Variants in ANKFN1 observed in about 807,000 individuals in gnomAD.
ANKFN1 encodes ankyrin repeat and fibronectin type-III domain-containing protein 1.
In ANKFN1, 74 loss-of-function variants were observed where a neutral mutation model predicts 108.7. That is an observed-to-expected ratio of 0.68 (90% CI 0.56 to 0.83). ANKFN1 has a LOEUF of 0.83. ANKFN1 is among the 40% of genes least tolerant of loss of function. The pLI is 0.00. For synonymous variants in ANKFN1, 547 were observed against 516.2 expected (o/e 1.06, Z -0.81); for missense variants, 1,505 against 1,382.3 (o/e 1.09, Z -1.41).
intron 2 of ANKFN1, among the ~76,000 whole-genome samples, chr17:56,215,318 C>T (rs1203333980): frequency 6.6e-6 from 1 of 152,192 alleles, no homozygotes; most frequent in Non-Finnish European, 1.5e-5. Context: ...CTCTGTCTGA[C>T]CTTCACCACA....
intron 3 of ANKFN1, chr17:56,258,373 G>A (rs1384006894): frequency 6.6e-6 from 1 of 152,098 alleles, no homozygotes; most frequent in African/African-American, 2.4e-5. Flanking sequence ...TTGCTATGAT[G>A]CTATTTTTTT....
intron 4 of ANKFN1, among the ~76,000 whole-genome samples, chr17:56,332,756 A>G (rs1437775984): frequency 6.6e-6 from 1 of 152,092 alleles, no homozygotes; most frequent in Non-Finnish European, 1.5e-5. Flanking sequence ...CACATAGTGT[A>G]AGTCTTCCAA....
chr17:56,374,162 G>C (rs1429881020), intron 7 of ANKFN1, among the ~76,000 whole-genome samples: 1 of 152,208 alleles, frequency 6.6e-6, no homozygotes, highest in East Asian at 1.9e-4. Context: ...ACTTGGGGCT[G>C]CGGTTTCCTC....
At chr17:56,344,914 A>G (rs1222230231) in intron 4 of ANKFN1, among the ~76,000 whole-genome samples, 1 of 152,002 alleles carries the variant, frequency 6.6e-6, no homozygotes, top group African/African-American at 2.4e-5. Context: ...TCTGGGATAC[A>G]TGTGCAGAAT....
At chr17:56,355,434 A>AAAAGT (rs1282945643) in intron 6 of ANKFN1, among the ~76,000 whole-genome samples, 1 of 152,154 alleles carries the variant, frequency 6.6e-6, no homozygotes, top group Admixed American at 6.6e-5. Flanking sequence ...GAGGAACAAA[A>AAAAGT]AAAGTCAGTG....
At chr17:56,423,635 C>T (rs1406930034) in intron 8 of ANKFN1, among the ~76,000 whole-genome samples, 1 of 152,110 alleles carries the variant, frequency 6.6e-6, no homozygotes, top group East Asian at 1.9e-4. Context: ...CTCTCAATCT[C>T]TCTCCCTGGA....
intron 4 of ANKFN1, among the ~76,000 whole-genome samples, chr17:56,078,944 GA>G (rs1347935224): frequency 6.6e-6 from 1 of 152,150 alleles, no homozygotes; most frequent in Non-Finnish European, 1.5e-5. Context: ...TTAGAGACAG[GA>G]GGATTTTCAA....
intron 4 of ANKFN1, among the ~76,000 whole-genome samples, chr17:56,127,070 G>T (rs1249317916): frequency 6.6e-6 from 1 of 152,198 alleles, no homozygotes; most frequent in African/African-American, 2.4e-5. Context: ...TTGGCTCATA[G>T]CACAAGAGTG....
chr17:56,330,628 C>A (rs1458484917), intron 4 of ANKFN1, among the ~76,000 whole-genome samples: 1 of 152,150 alleles, frequency 6.6e-6, no homozygotes, highest in Non-Finnish European at 1.5e-5. Context: ...TTGCCTAGTA[C>A]TTTCCCAGTT....
intron 3 of ANKFN1, among the ~76,000 whole-genome samples, chr17:56,236,869 T>A (rs1053507581): frequency 1.4e-4 from 21 of 152,212 alleles, no homozygotes; most frequent in African/African-American, 5.1e-4. Context: ...GGGAAATGCT[T>A]CCAGCTTTTG....
intron 4 of ANKFN1, among the ~76,000 whole-genome samples, chr17:56,334,083 A>T (rs1228369022): frequency 1.3e-5 from 2 of 152,172 alleles, no homozygotes; most frequent in Admixed American, 6.6e-5. Flanking sequence ...CTAACAATTG[A>T]ATAAATGAAT....
At chr17:56,283,132 A>G (rs941255042) in intron 3 of ANKFN1, among the ~76,000 whole-genome samples, 1 of 152,086 alleles carries the variant, frequency 6.6e-6, no homozygotes, top group Non-Finnish European at 1.5e-5. Flanking sequence ...CCCACTCTCC[A>G]TCCTTAAGCA....
chr17:56,076,441 C>A (rs1905182128), intron 4 of ANKFN1, among the ~76,000 whole-genome samples: 1 of 152,174 alleles, frequency 6.6e-6, no homozygotes, highest in African/African-American at 2.4e-5. Flanking sequence ...ATTGCCTTCA[C>A]TATGTTATGA....
At chr17:56,453,215 C>T (rs1402220705) in intron 11 of ANKFN1, among the ~76,000 whole-genome samples, 1 of 151,910 alleles carries the variant, frequency 6.6e-6, no homozygotes, top group African/African-American at 2.4e-5. Context: ...TTTACCCCAC[C>T]CCTCCCTTAT....
intron 20 of ANKFN1, among the ~76,000 whole-genome samples, chr17:56,501,474 C>T (rs1046571468): frequency 6.6e-6 from 1 of 150,542 alleles, no homozygotes; most frequent in African/African-American, 2.5e-5. Context: ...CATGATGGCA[C>T]TTGCCAAAAA....
At position 56,442,880 on chromosome 17, in the gene ANKFN1, T is replaced by C. The variant is rs1305509861; in HGVS notation, c.1046T>C (p.Met349Thr). ...QYFVQVSAYNMKGWGPAQTTT... is the reference protein window; with the variant it reads ...QYFVQVSAYNTKGWGPAQTTT... The stretch of plus-strand genomic sequence containing the variant: ...TTTGTTCAAGTCTCGGCTTACAATA[T>C]GAAAGGATGGGGACCTGCTCAGACC... The change falls in exon 10 of 21, where the codon ATG becomes ACG. Residue 349 changes from methionine (M) to threonine (T), a missense_variant. Transcript: ENST00000682825. The C allele has an allele frequency of 1.2e-6, 2 of 1,613,734 alleles. No homozygotes were observed. The highest frequency in any genetic ancestry group is 1.3e-5 in the African/African-American group (1 of 74,924).
chr17:56,470,577 G>A (rs906619484), intron 15 of ANKFN1, among the ~76,000 whole-genome samples: 113 of 152,010 alleles, frequency 7.4e-4, no homozygotes, highest in South Asian at 2.1e-4. Flanking sequence ...CATTCTGTGG[G>A]GCATTTTTTC....
intron 8 of ANKFN1, among the ~76,000 whole-genome samples, chr17:56,397,420 A>G (rs1387388607): frequency 1.3e-5 from 2 of 152,224 alleles, no homozygotes; most frequent in Non-Finnish European, 2.9e-5. Flanking sequence ...AGAACTGTCC[A>G]CTGCCAAAGG....
At chr17:56,450,176 G>T (rs1440470297) in intron 11 of ANKFN1, among the ~76,000 whole-genome samples, 2 of 152,108 alleles carry the variant, frequency 1.3e-5, no homozygotes, top group Non-Finnish European at 2.9e-5. Context: ...GAGCCCAGGA[G>T]TTTGAGGCTG....
Sources: allele counts gnomAD v4.1 joint callset (sites outside exome capture counted in the v4.1 genomes callset), GRCh38; gene constraint gnomAD v4.1.1; transcripts MANE v1.5; gene names NCBI Gene and HGNC (gene_info 2026-07-23, HGNC 2026-07-21).